The following CORO2B variants were observed in gnomAD, a reference collection of about 807,000 sequenced individuals.
CORO2B encodes coronin-2B.
CORO2B carries 26 observed loss-of-function variants against 58.8 expected under a neutral mutation model. The ratio of observed to expected loss-of-function variants is 0.44; its 90% CI spans 0.32 to 0.61. The LOEUF (loss-of-function observed/expected upper bound fraction) is 0.61, where lower values mean the gene tolerates loss of function less well. Ranked by LOEUF, CORO2B falls within the 20% of genes least tolerant of loss-of-function variation. The pLI is 0.04. For synonymous variants in CORO2B, 242 were observed against 253.8 expected, an observed-to-expected ratio of 0.95 and a Z score of 0.44; for missense variants, 460 against 645.1, an observed-to-expected ratio of 0.71 and a Z score of 3.11.
At chr15:68,621,666 GC>G (rs1433854849) in intron 1 of CORO2B, among the ~76,000 whole-genome samples, 1 of 152,154 alleles carries the variant, frequency 6.6e-6, no homozygotes, top group African/African-American at 2.4e-5. Context: ...TGTTAGGGAA[GC>G]AATGTGACTT....
rs181592645 is a variant in CORO2B at position 68,674,780 on chromosome 15, C to T, written c.217-20360C>T. 9.1e-4 allele frequency among the ~76,000 whole-genome samples: 139 copies of T among 152,336 alleles called. 1 individual carries two copies. The highest frequency in any genetic ancestry group is 2.7e-3 in the Admixed American group (41 of 15,302). ...CAACTACCTTATTCCCTCTTTCTCC[C>T]TCCAGCCTTTCCACCAGTGCCCTCA... On this transcript the variant is annotated intron_variant, in intron 2 of 11. Coordinates refer to ENST00000261861, the MANE Select transcript of CORO2B (RefSeq NM_006091.5).
chr15:68,671,150 C>G (rs950945036), intron 2 of CORO2B, among the ~76,000 whole-genome samples: 2 of 152,192 alleles, frequency 1.3e-5, no homozygotes, highest in Non-Finnish European at 2.9e-5. Context: ...TTCAATGGCA[C>G]AGGAAAAGGA....
chr15:68,644,785 G>T (rs1017542328), intron 1 of CORO2B, among the ~76,000 whole-genome samples: 1 of 152,114 alleles, frequency 6.6e-6, no homozygotes. Context: ...GCTGAACCGA[G>T]CACAGTTCCA....
At chr15:68,722,243 C>T (rs1207036334) in intron 11 of CORO2B, among the ~76,000 whole-genome samples, 1 of 152,118 alleles carries the variant, frequency 6.6e-6, no homozygotes, top group East Asian at 1.9e-4. Flanking sequence ...AATTGAGAAC[C>T]TGGAGGAAAA....
chr15:68,551,852 A>T, the CORO2B span, among the ~76,000 whole-genome samples: 2 of 152,128 alleles, frequency 1.3e-5, no homozygotes, highest in African/African-American at 2.4e-5. Flanking sequence ...TGATGATGAG[A>T]TCTAAAGTCT....
chr15:68,677,834 T>G (rs1467401080), intron 2 of CORO2B, among the ~76,000 whole-genome samples: 1 of 152,160 alleles, frequency 6.6e-6, no homozygotes, highest in Non-Finnish European at 1.5e-5. Context: ...TCCTTCACCA[T>G]AGCTGGGTGG....
the CORO2B span, among the ~76,000 whole-genome samples, chr15:68,537,441 G>A: frequency 6.6e-6 from 1 of 152,210 alleles, no homozygotes; most frequent in African/African-American, 2.4e-5. Context: ...GCTGTAGTAG[G>A]TCAGACTAGC....
the CORO2B span, among the ~76,000 whole-genome samples, chr15:68,555,834 G>A: frequency 6.6e-6 from 1 of 152,168 alleles, no homozygotes; most frequent in African/African-American, 2.4e-5. Flanking sequence ...ACAGGCACAG[G>A]GGTCCCACAG....
chr15:68,613,416 A>T (rs1173563572), intron 1 of CORO2B, among the ~76,000 whole-genome samples: 1 of 152,156 alleles, frequency 6.6e-6, no homozygotes, highest in Admixed American at 6.5e-5. Flanking sequence ...AATAGATTGA[A>T]CCTGACTTCT....
intron 2 of CORO2B, among the ~76,000 whole-genome samples, chr15:68,653,102 A>C (rs1256226655): frequency 6.6e-6 from 1 of 152,192 alleles, no homozygotes; most frequent in African/African-American, 2.4e-5. Context: ...GAAGGAATGA[A>C]GCAACAATTC....
chr15:68,647,156 T>C (rs1229618461), intron 2 of CORO2B, among the ~76,000 whole-genome samples: 1 of 151,954 alleles, frequency 6.6e-6, no homozygotes, highest in Non-Finnish European at 1.5e-5. Flanking sequence ...TAGAGGAAAA[T>C]GGAGTGCATG....
chr15:68,611,405 T>C (rs1272686431), intron 1 of CORO2B, among the ~76,000 whole-genome samples: 6 of 152,236 alleles, frequency 3.9e-5, no homozygotes, highest in Admixed American at 3.9e-4. Context: ...GTTTGTTTTT[T>C]TTCCCCTATG....
chr15:68,682,089 A>G (rs1388444), intron 2 of CORO2B, among the ~76,000 whole-genome samples: 140,888 of 152,082 alleles, frequency 0.93, 65,570 homozygotes, highest in East Asian at 1. Context: ...GGTAGGAGGA[A>G]CCCCTGCTTC....
At chr15:68,627,439 A>T (rs1566989045) in intron 1 of CORO2B, among the ~76,000 whole-genome samples, 1 of 151,742 alleles carries the variant, frequency 6.6e-6, no homozygotes, top group Non-Finnish European at 1.5e-5. Context: ...TGGTCAGGGA[A>T]GGTGTGTGTT....
At chr15:68,573,313 C>T in the CORO2B span, among the ~76,000 whole-genome samples, 12 of 152,078 alleles carry the variant, frequency 7.9e-5, no homozygotes, top group East Asian at 1.9e-4. Context: ...AAGAGAGAGA[C>T]GTCCACAGAG....
chr15:68,617,251 A>G (rs1900386402), intron 1 of CORO2B, among the ~76,000 whole-genome samples: 1 of 152,228 alleles, frequency 6.6e-6, no homozygotes, highest in Non-Finnish European at 1.5e-5. Context: ...AGAGGCAATG[A>G]GGAGGAGACA....
the CORO2B span, among the ~76,000 whole-genome samples, chr15:68,531,887 A>T: frequency 6.6e-6 from 1 of 151,940 alleles, no homozygotes; most frequent in Non-Finnish European, 1.5e-5. Flanking sequence ...AAGAAAAAAA[A>T]AAGTATTTAG....
At position 68,714,092 on chromosome 15, in the gene CORO2B, C is replaced by T. The variant is rs767384052; in HGVS notation, c.765+51C>T. On this transcript the variant is annotated intron_variant, in intron 6 of 11. Coordinates refer to ENST00000261861, the MANE Select transcript of CORO2B (RefSeq NM_006091.5). ...TTTGGGCTAAAGGAAGCATCGTTGC[C>T]TCGGAGGTCACTTCCTCAGAAAGTC... is the stretch of plus-strand genomic sequence containing the variant. 18 of 1,226,866 alleles carry T rather than the reference C, an allele frequency of 1.5e-5. 1 individual carries two copies. The highest frequency in any genetic ancestry group is 1.9e-5 in the Non-Finnish European group (16 of 839,478). 76.0% of individuals were successfully genotyped at this position (1,226,866 alleles called of 1,614,324 possible). A position where few individuals can be genotyped will look rare whatever the true frequency, so the allele number is the denominator to read the frequency against.
chr15:68,581,832 T>C (rs1899435185), intron 1 of CORO2B, among the ~76,000 whole-genome samples: 3 of 152,160 alleles, frequency 2.0e-5, no homozygotes, highest in Admixed American at 2.0e-4. Context: ...CAGGGCAGTG[T>C]CTAGGGCTCT....
Sources: allele counts gnomAD v4.1 joint callset (sites outside exome capture counted in the v4.1 genomes callset), GRCh38; gene constraint gnomAD v4.1.1; transcripts MANE v1.5; gene names NCBI Gene and HGNC (gene_info 2026-07-23, HGNC 2026-07-21).